Variants in LRP1B observed in about 807,000 individuals in gnomAD.
LRP1B encodes the protein low-density lipoprotein receptor-related protein 1B.
A neutral mutation model predicts 556.6 loss-of-function variants in LRP1B; 217 were observed. The ratio of observed to expected loss-of-function variants is 0.39; its 90% confidence interval spans 0.35 to 0.44. The LOEUF (loss-of-function observed/expected upper bound fraction) is 0.44, where lower values mean the gene tolerates loss of function less well. LRP1B is among the 20% of genes least tolerant of loss of function. The pLI, the probability that LRP1B is intolerant of heterozygous loss-of-function variation, is 1.00. For synonymous variants in LRP1B, 2,047 were observed against 1,865.8 expected, an observed-to-expected ratio of 1.10 and a Z score of -2.50; for missense variants, 5,053 against 5,620.8, an observed-to-expected ratio of 0.90 and a Z score of 3.23.
At position 140,503,109 on chromosome 2, in the gene LRP1B, G is replaced by C. The variant is rs1574012291; in HGVS notation, c.8522-6C>G. The C allele has an allele frequency of 6.2e-7, 1 of 1,611,950 alleles. No homozygotes were observed. Among genetic ancestry groups the C allele is most frequent in the East Asian group, 2.2e-5 (1 of 44,808 alleles). On this transcript the variant is annotated splice_polypyrimidine_tract_variant and splice_region_variant and intron_variant, in intron 53 of 90. Coordinates refer to ENST00000389484, the MANE Select transcript of LRP1B (RefSeq NM_018557.3). ...TGTACCACACTGTCGATATCCTAGA[G>C]ACGCAGAAAAAACATTTGACTAATT...
At chr2:141,114,599 T>C (rs983269284) in intron 7 of LRP1B, among the ~76,000 whole-genome samples, 3 of 152,086 alleles carry the variant, frequency 2.0e-5, no homozygotes, top group Non-Finnish European at 4.4e-5. Context: ...CCAGTGGAAG[T>C]TGGGGTTTAT....
chr2:141,247,265 G>A lies in LRP1B; in HGVS notation c.553C>T (p.Leu185=), dbSNP rs2105327254. The A allele has an allele frequency of 6.2e-7, 1 of 1,613,670 alleles. No homozygotes were observed. The highest frequency in any genetic ancestry group is 8.5e-7 in the Non-Finnish European group (1 of 1,179,712). The stretch of plus-strand genomic sequence containing the variant: ...CAAGATCTGTTGTCTGGCTGCATTA[G>A]GTAGCCTTCCACACAACTGCAAGTG... ...SYTCSCVEGY[L]MQPDNRSCKA... is the part of the protein sequence containing the mutation. Residue 185 remains leucine, a synonymous_variant, in exon 5 of 91, where the codon CTA becomes TTA. Transcript: ENST00000389484.
intron 3 of LRP1B, among the ~76,000 whole-genome samples, chr2:141,359,540 G>A (rs1688743663): frequency 6.6e-6 from 1 of 152,098 alleles, no homozygotes; most frequent in Non-Finnish European, 1.5e-5. Flanking sequence ...GGTGCATCAC[G>A]AGGTCAGGAA....
At chr2:141,612,917 C>T (rs1688158646) in intron 2 of LRP1B, among the ~76,000 whole-genome samples, 1 of 152,146 alleles carries the variant, frequency 6.6e-6, no homozygotes, top group Non-Finnish European at 1.5e-5. Flanking sequence ...ATTTTCCCGC[C>T]TCAGCCTCCC....
At position 140,485,445 on chromosome 2, in the gene LRP1B, T is replaced by G; in HGVS notation, c.9323A>C (p.Lys3108Thr). The change falls in exon 59 of 91, where the codon AAA (lysine) becomes ACA (threonine). Residue 3108 changes from lysine (K) to threonine (T), a missense_variant. Transcript: ENST00000389484. ...GAGTTTGGATACTTCAATGATTCTT[T>G]TTTCTGTGTCAGACCAATAGAGGTT... Reference protein sequence around the residue: ...GKNLYWSDTEKRIIEVSKLNG... With the variant: ...GKNLYWSDTETRIIEVSKLNG... 3 of 1,613,958 alleles carry G rather than the reference T, an allele frequency of 1.9e-6. No homozygotes were observed. The highest frequency in any genetic ancestry group is 2.5e-6 in the Non-Finnish European group (3 of 1,179,890).
intron 35 of LRP1B, among the ~76,000 whole-genome samples, chr2:140,741,371 CACTT>C (rs1344949568): frequency 3.9e-5 from 6 of 152,046 alleles, no homozygotes; most frequent in African/African-American, 1.4e-4. Flanking sequence ...TGAACAGAAA[CACTT>C]AGAAGAGATT....
chr2:140,727,068 T>A (rs1687619532), intron 35 of LRP1B, among the ~76,000 whole-genome samples: 1 of 152,164 alleles, frequency 6.6e-6, no homozygotes, highest in Non-Finnish European at 1.5e-5. Context: ...TTATTTCTCA[T>A]CTTTAAAAAA....
intron 2 of LRP1B, among the ~76,000 whole-genome samples, chr2:141,641,683 C>T (rs1000333494): frequency 9.9e-5 from 15 of 152,036 alleles, no homozygotes; most frequent in African/African-American, 3.6e-4. Flanking sequence ...CATGTACATG[C>T]TACAGCCTCT....
chr2:141,988,809 T>A (rs1468139717), intron 1 of LRP1B, among the ~76,000 whole-genome samples: 1 of 152,058 alleles, frequency 6.6e-6, no homozygotes, highest in African/African-American at 2.4e-5. Flanking sequence ...AATAACTCCA[T>A]CACAAATGAG....
chr2:141,946,493 C>A (rs1429270552), intron 1 of LRP1B, among the ~76,000 whole-genome samples: 1 of 152,102 alleles, frequency 6.6e-6, no homozygotes, highest in Non-Finnish European at 1.5e-5. Context: ...GTATTAGCCA[C>A]AGGGGGGAAA....
At chr2:140,633,276 A>C (rs369857024) in intron 41 of LRP1B, among the ~76,000 whole-genome samples, 1 of 146,858 alleles carries the variant, frequency 6.8e-6, no homozygotes, top group Non-Finnish European at 1.5e-5. Flanking sequence ...TAGAGTAAAT[A>C]AAAATAACAA....
chr2:140,400,652 A>G lies in LRP1B; in HGVS notation c.10415-14643T>C, dbSNP rs577537065. Reference sequence around the variant, plus strand: ...GCATGTCTCTTCCACTTGGAAGGAGAGAATAACGTGTAGAGATTCACAGTG... The same window carrying G: ...GCATGTCTCTTCCACTTGGAAGGAGGGAATAACGTGTAGAGATTCACAGTG... On this transcript the variant is annotated intron_variant, in intron 66 of 90. Transcript: ENST00000389484. 9.9e-5 allele frequency among the ~76,000 whole-genome samples: 15 copies of G among 152,276 alleles called. No individual in the cohort carries two copies. The South Asian group carries it at 3.1e-3, about 32-fold the overall frequency.
chr2:140,337,955 AT>A (rs1681179305), intron 77 of LRP1B, among the ~76,000 whole-genome samples: 1 of 151,726 alleles, frequency 6.6e-6, no homozygotes, highest in African/African-American at 2.4e-5. Context: ...CAGAAGTTTG[AT>A]TTAGTGATAC....
chr2:141,452,964 G>A (rs147692679), intron 3 of LRP1B, among the ~76,000 whole-genome samples: 22 of 152,208 alleles, frequency 1.4e-4, no homozygotes, highest in Middle Eastern at 6.8e-3. Flanking sequence ...GGCCACCCAC[G>A]GTAGCTCACA....
chr2:141,642,835 A>G (rs577530214), intron 2 of LRP1B, among the ~76,000 whole-genome samples: 1 of 152,264 alleles, frequency 6.6e-6, no homozygotes, highest in Non-Finnish European at 1.5e-5. Context: ...GATTAAAATG[A>G]CAAGGTCCAT....
chr2:141,048,947 C>A (rs1341474405), intron 11 of LRP1B, 39 bp downstream of exon 11: 1 of 1,452,706 alleles, frequency 6.9e-7, no homozygotes, highest in Non-Finnish European at 9.7e-7. Context: ...AGTGCTTCAT[C>A]TCTGGGTAGT....
rs1681454553 is a variant in LRP1B at position 140,574,739 on chromosome 2, G to T, written c.7194+23892C>A. Among the ~76,000 whole-genome samples, 4 of 152,164 alleles carry T rather than the reference G, an allele frequency of 2.6e-5. No individual in the cohort carries two copies. In the South Asian group the frequency reaches 8.3e-4, roughly 31 times the overall value. ...TCCTGGCATTCCTTTAGTCATGTCA[G>T]ATAATAAAACCTTCTCCCTTTAACT... On this transcript the variant is annotated intron_variant, in intron 43 of 90. Transcript: ENST00000389484.
chr2:140,936,997 G>A (rs1254346280), intron 20 of LRP1B, among the ~76,000 whole-genome samples: 2 of 152,094 alleles, frequency 1.3e-5, no homozygotes, highest in African/African-American at 4.8e-5. Flanking sequence ...CAGAGTTTTT[G>A]TAAGTTATTG....
At chr2:142,115,542 G>A (rs180759489) in intron 1 of LRP1B, among the ~76,000 whole-genome samples, 2,328 of 36,174 alleles carry the variant, frequency 0.064, 584 homozygotes, top group Non-Finnish European at 0.09. Context: ...TATTACATAT[G>A]TAATATATAT....
Sources: allele counts gnomAD v4.1 joint callset (sites outside exome capture counted in the v4.1 genomes callset), GRCh38; gene constraint gnomAD v4.1.1; transcripts MANE v1.5; gene names NCBI Gene and HGNC (gene_info 2026-07-23, HGNC 2026-07-21).